BNC2: variants seen among roughly 807,000 people sequenced by gnomAD.
The protein encoded by BNC2 is basonuclin zinc finger protein 2, also known as zinc finger protein basonuclin-2.
BNC2 carries 20 observed loss-of-function variants against 76.3 expected under a neutral mutation model. The ratio of observed to expected loss-of-function variants is 0.26; its 90% CI spans 0.18 to 0.38. The LOEUF (loss-of-function observed/expected upper bound fraction) is 0.38, where lower values mean the gene tolerates loss of function less well. Ranked by LOEUF, BNC2 falls within the 10% of genes least tolerant of loss-of-function variation. The pLI, the probability that BNC2 is intolerant of heterozygous loss-of-function variation, is 1.00. For synonymous variants in BNC2, 582 were observed against 514.8 expected, an observed-to-expected ratio of 1.13 and a Z score of -1.77; for missense variants, 1,382 against 1,399.8, an observed-to-expected ratio of 0.99 and a Z score of 0.20.
intron 3 of BNC2, among the ~76,000 whole-genome samples, chr9:16,713,047 G>A (rs1253087668): frequency 6.6e-6 from 1 of 152,208 alleles, no homozygotes; most frequent in Non-Finnish European, 1.5e-5. Flanking sequence ...CGTAAGATCA[G>A]GCTGAGCAGG....
At chr9:16,593,864 A>G (rs1819998210) in intron 3 of BNC2, among the ~76,000 whole-genome samples, 1 of 152,098 alleles carries the variant, frequency 6.6e-6, no homozygotes, top group South Asian at 2.1e-4. Flanking sequence ...ATTTACCAGA[A>G]CACCTAACTT....
intron 3 of BNC2, among the ~76,000 whole-genome samples, chr9:16,626,976 C>G (rs368216081): frequency 6.6e-6 from 1 of 152,176 alleles, no homozygotes; most frequent in Non-Finnish European, 1.5e-5. Context: ...TCGGTAACTT[C>G]CCAGTGACAG....
chr9:16,544,425 G>C (rs1818410733), intron 5 of BNC2, among the ~76,000 whole-genome samples: 1 of 152,086 alleles, frequency 6.6e-6, no homozygotes, highest in Non-Finnish European at 1.5e-5. Context: ...AATATATCAA[G>C]TAATCATTCA....
chr9:16,628,438 G>A (rs1344553263), intron 3 of BNC2, among the ~76,000 whole-genome samples: 1 of 152,160 alleles, frequency 6.6e-6, no homozygotes, highest in African/African-American at 2.4e-5. Flanking sequence ...GCCGTGAGAG[G>A]TCAATTAAAG....
At position 16,832,378 on chromosome 9, in the gene BNC2, T is replaced by C. The variant is rs1818596344; in HGVS notation, c.3+38268A>G. 3.9e-5 allele frequency: 45 copies of C among 1,157,066 alleles called. No individual in the cohort carries two copies. In the South Asian group the frequency reaches 5.9e-4, roughly 15 times the overall value. 71.7% of individuals were successfully genotyped at this position (1,157,066 alleles called of 1,614,324 possible). On this transcript the variant is annotated intron_variant, in intron 1 of 6. Coordinates refer to ENST00000380672, the MANE Select transcript of BNC2 (RefSeq NM_017637.6). The stretch of plus-strand genomic sequence containing the variant: ...GTGAAACAGAACAGAGAACACAATA[T>C]GTTTTGCCCAGTTTTAGAGGCCTAG...
chr9:16,460,591 C>G (rs951404222), intron 5 of BNC2, among the ~76,000 whole-genome samples: 3 of 152,168 alleles, frequency 2.0e-5, no homozygotes, highest in Non-Finnish European at 4.4e-5. Flanking sequence ...CCGCTGCACT[C>G]TAGCCTGTGT....
At chr9:16,701,004 A>C (rs1006840508) in intron 3 of BNC2, among the ~76,000 whole-genome samples, 2 of 152,180 alleles carry the variant, frequency 1.3e-5, no homozygotes, top group African/African-American at 4.8e-5. Flanking sequence ...TAACATCGCC[A>C]AGCACAAGAT....
chr9:16,590,484 TGCC>T, intron 3 of BNC2, among the ~76,000 whole-genome samples: 1 of 151,736 alleles, frequency 6.6e-6, no homozygotes, highest in Non-Finnish European at 1.5e-5. Flanking sequence ...TGAGCCACTG[TGCC>T]TGGCTTAAAA....
chr9:16,644,261 T>C (rs1285187864), intron 3 of BNC2, among the ~76,000 whole-genome samples: 1 of 152,198 alleles, frequency 6.6e-6, no homozygotes, highest in East Asian at 1.9e-4. Flanking sequence ...TAGAATAACC[T>C]TAGGTGGCCC....
At chr9:16,635,547 T>C (rs1821298304) in intron 3 of BNC2, among the ~76,000 whole-genome samples, 2 of 152,226 alleles carry the variant, frequency 1.3e-5, no homozygotes, top group Non-Finnish European at 2.9e-5. Flanking sequence ...AAAGCTATTT[T>C]ACTGGAAAGT....
intron 5 of BNC2, among the ~76,000 whole-genome samples, chr9:16,519,719 C>T (rs1398322590): frequency 6.6e-6 from 1 of 152,172 alleles, no homozygotes; most frequent in Non-Finnish European, 1.5e-5. Flanking sequence ...TTTCTACAAC[C>T]CTGTAAGGTA....
In BNC2 at chr9:16,772,593, C is replaced by T. The variant is rs187764024; in HGVS notation, c.4-34108G>A. The stretch of plus-strand genomic sequence containing the variant: ...CCTAGGGAAAAAAAACCTCACACCT[C>T]ATGGGAAACTGTACTAATTTTTTTT... On this transcript the variant is annotated intron_variant, in intron 1 of 6. Transcript: ENST00000380672. 9.9e-4 allele frequency among the ~76,000 whole-genome samples: 151 copies of T among 152,244 alleles called. 1 individual carries two copies. Among genetic ancestry groups the T allele is most frequent in the African/African-American group, 3.5e-3 (145 of 41,532 alleles).
chr9:16,552,030 G>A (rs1818678245), intron 5 of BNC2, among the ~76,000 whole-genome samples: 1 of 152,112 alleles, frequency 6.6e-6, no homozygotes, highest in Admixed American at 6.6e-5. Context: ...AAGTTTATAT[G>A]GATTATAGTT....
chr9:16,698,107 G>A (rs144839486), intron 3 of BNC2, among the ~76,000 whole-genome samples: 4 of 152,224 alleles, frequency 2.6e-5, no homozygotes, highest in Admixed American at 6.5e-5. Flanking sequence ...TACATACACA[G>A]GGGCTTGGTC....
At chr9:16,441,464 T>C (rs1238045092) in intron 5 of BNC2, among the ~76,000 whole-genome samples, 1 of 152,146 alleles carries the variant, frequency 6.6e-6, no homozygotes, top group East Asian at 1.9e-4. Context: ...TTGACTAACC[T>C]CGTTGAAGGG....
intron 3 of BNC2, among the ~76,000 whole-genome samples, chr9:16,659,367 TG>T (rs1587283697): frequency 1.3e-5 from 2 of 152,034 alleles, no homozygotes; most frequent in South Asian, 2.1e-4. Context: ...CACAGCACTT[TG>T]GGGGGCCGAG....
At chr9:16,484,918 G>A (rs1288071717) in intron 5 of BNC2, among the ~76,000 whole-genome samples, 1 of 152,206 alleles carries the variant, frequency 6.6e-6, no homozygotes, top group African/African-American at 2.4e-5. Context: ...ATCCATATGT[G>A]AAGCTTGGCT....
At chr9:16,813,329 G>C (rs1367805206) in intron 1 of BNC2, among the ~76,000 whole-genome samples, 9 of 151,114 alleles carry the variant, frequency 6.0e-5, no homozygotes, top group Non-Finnish European at 1.3e-4. Flanking sequence ...GCAGTGGTGC[G>C]ATCTCGGCTC....
chr9:16,469,645 G>C (rs1326439726), intron 5 of BNC2, among the ~76,000 whole-genome samples: 1 of 152,222 alleles, frequency 6.6e-6, no homozygotes, highest in Admixed American at 6.5e-5. Flanking sequence ...AGCGACTTAG[G>C]AACTGGGTAA....
Sources: allele counts gnomAD v4.1 joint callset (sites outside exome capture counted in the v4.1 genomes callset), GRCh38; gene constraint gnomAD v4.1.1; transcripts MANE v1.5; gene names NCBI Gene and HGNC (gene_info 2026-07-23, HGNC 2026-07-21).